Variants in MATR3 observed in about 807,000 individuals in gnomAD.
MATR3 encodes matrin-3.
MATR3 carries 4 observed loss-of-function variants against 85.5 expected under a neutral mutation model. The observed-to-expected ratio is 0.05, with a 90% confidence interval of 0.02 to 0.11. MATR3 has a LOEUF of 0.11. Among genes scored for constraint, MATR3 ranks in the 10% least tolerant of loss-of-function variants. MATR3 has a pLI of 1.00. For synonymous variants in MATR3, 336 were observed against 343.1 expected (o/e 0.98, Z 0.23); for missense variants, 685 against 1,016.1 (o/e 0.67, Z 4.43).
In MATR3 at chr5:139,322,029, G is replaced by A. The variant is rs760232121; in HGVS notation, c.1734G>A (p.Arg578=). The part of the protein sequence containing the change: ...LSEKYKKLVL[R]IPNRGIDLLK... Reference sequence around the variant, plus strand: ...AGAAATATAAAAAACTGGTTCTGAGGGTATGTAGTATTTGATTTGTCATCA... The same window carrying A: ...AGAAATATAAAAAACTGGTTCTGAGAGTATGTAGTATTTGATTTGTCATCA... The change falls in exon 10 of 15, where the codon AGG becomes AGA. Residue 578 remains arginine (R), a splice_region_variant and synonymous_variant. Transcript: ENST00000394805. The A allele has an allele frequency of 1.2e-6, 2 of 1,613,378 alleles. No individual in the cohort carries two copies. Among genetic ancestry groups the A allele is most frequent in the South Asian group, 1.1e-5 (1 of 91,038 alleles).
chr5:139,294,897 A>G lies in MATR3; in HGVS notation c.-178+1092A>G, dbSNP rs958675396. 2.0e-5 allele frequency: 3 copies of G among 152,070 alleles called. No individual in the cohort carries two copies. The East Asian group carries it at 5.8e-4, about 29-fold the overall frequency. 9.4% of individuals were successfully genotyped at this position (152,070 alleles called of 1,614,324 possible). ...GTGGAATATTCCTATTGGATCAGTT[A>G]CAGTTTTTTAGCCAGATATTTCTAG... On this transcript the variant is annotated intron_variant, in intron 1 of 14. Coordinates refer to ENST00000394805, the MANE Select transcript of MATR3 (RefSeq NM_018834.6).
At chr5:139,324,469 T>G (rs1316280227) in intron 12 of MATR3, among the ~76,000 whole-genome samples, 1 of 152,030 alleles carries the variant, frequency 6.6e-6, no homozygotes, top group Non-Finnish European at 1.5e-5. Context: ...TCTTGTATTT[T>G]TAGTAGAAAC....
At chr5:139,310,335 T>C (rs1754906051) in intron 2 of MATR3, 1 of 152,208 alleles carries the variant, frequency 6.6e-6, no homozygotes, top group Non-Finnish European at 1.5e-5. Context: ...TAGAGGCCTT[T>C]TGTTTAATTC....
At position 139,307,890 on chromosome 5, in the gene MATR3, G is replaced by A. The variant is rs1749872038; in HGVS notation, c.475G>A (p.Gly159Ser). The change falls in exon 2 of 15, where the codon GGT becomes AGT. Residue 159 changes from glycine to serine, a missense_variant. Physicochemically the swap from Gly to Ser is moderately conservative, Grantham distance 56 (BLOSUM62 0). Coordinates refer to ENST00000394805, the MANE Select transcript of MATR3 (RefSeq NM_018834.6). This position sits in a 1 kb window ranked among gnomAD's most constrained non-coding sequence, Gnocchi z 4.4. ...TGAAGAAGGCCCTACCTTGAGTTAT[G>A]GTAGAGATGGCAGATCTGCTACACG... Reference protein sequence around the residue: ...RTEEGPTLSYGRDGRSATREP... With the variant: ...RTEEGPTLSYSRDGRSATREP... The A allele has an allele frequency of 6.2e-7, 1 of 1,613,920 alleles. No homozygotes were observed. The highest frequency in any genetic ancestry group is 8.5e-7 in the Non-Finnish European group (1 of 1,180,018).
intron 9 of MATR3, among the ~76,000 whole-genome samples, chr5:139,321,651 G>T (rs184403829): frequency 6.6e-6 from 1 of 152,112 alleles, no homozygotes; most frequent in Non-Finnish European, 1.5e-5. Context: ...GGCATTGGTG[G>T]TGCATGCCTG....
intron 8 of MATR3, 43 bp from the exon 9 acceptor site, chr5:139,319,291 A>C: frequency 6.4e-7 from 1 of 1,568,450 alleles, no homozygotes; most frequent in Non-Finnish European, 8.8e-7. Context: ...GTTAACTAAT[A>C]ATTATTGCAC....
intron 3 of MATR3, chr5:139,279,147 C>G (rs1753416555): frequency 2.2e-6 from 1 of 453,928 alleles, no homozygotes; most frequent in Non-Finnish European, 4.4e-6. Flanking sequence ...GTCTTCTTGT[C>G]ATGTAGGTCC....
chr5:139,327,573 C>T (rs866895760), intron 14 of MATR3, among the ~76,000 whole-genome samples: 2 of 152,070 alleles, frequency 1.3e-5, no homozygotes, highest in African/African-American at 4.8e-5. Context: ...AGGCATGCGC[C>T]ACCATGCCCA....
chr5:139,283,554 C>T (rs1753607498), intron 3 of MATR3: 1 of 152,446 alleles, frequency 6.6e-6, no homozygotes, highest in African/African-American at 2.4e-5. Flanking sequence ...ATTTCCCAGA[C>T]ACTTGACCTC....
intron 7 of MATR3, among the ~76,000 whole-genome samples, chr5:139,318,703 C>T (rs1258333136): frequency 6.6e-6 from 1 of 152,236 alleles, no homozygotes; most frequent in Non-Finnish European, 1.5e-5. Context: ...CCTCGGCCTC[C>T]CGAAGTGTTG....
intron 2 of MATR3, chr5:139,310,480 A>T (rs756784372): frequency 7.9e-5 from 12 of 152,224 alleles, no homozygotes; most frequent in Non-Finnish European, 1.6e-4. Flanking sequence ...TACTCACTTT[A>T]GCAGTGGACC....
chr5:139,319,860 C>CTTTTTTTTT (rs58123057), intron 9 of MATR3, among the ~76,000 whole-genome samples: 4 of 44,154 alleles, frequency 9.1e-5, no homozygotes, highest in African/African-American at 2.3e-4. Flanking sequence ...AAAAAATTTG[C>CTTTTTTTTT]TTTTTTTTTT....
chr5:139,319,059 A>G (rs749915697), intron 8 of MATR3, 26 bp downstream of exon 8: 15 of 1,593,012 alleles, frequency 9.4e-6, no homozygotes, highest in African/African-American at 5.4e-5. Flanking sequence ...TTCAAGCTGT[A>G]TATCAGTTTA....
chr5:139,288,647 CT>C (rs763641524), intron 3 of MATR3, among the ~76,000 whole-genome samples: 32 of 147,298 alleles, frequency 2.2e-4, no homozygotes, highest in African/African-American at 2.5e-4. Flanking sequence ...AACATCATCT[CT>C]TTTTTTTTTT....
rs1009623443 is a variant in MATR3 at position 139,322,743 on chromosome 5, G to A, written c.1924G>A (p.Asp642Asn). ...AGATGGTGAGAAAGACACAAAGGAT[G>A]ACCAGACAGAGCAGGAACCTAATAT... ...GEDGEKDTKD[D>N]QTEQEPNMLL... is the part of the protein sequence containing the mutation. The change falls in exon 12 of 15, where the codon GAC (aspartate) becomes AAC (asparagine). Residue 642 changes from aspartate (D) to asparagine (N), a missense_variant. Physicochemically the swap from Asp to Asn is conservative, Grantham distance 23. This residue lies in a region of MATR3 where 215 missense variants were observed against 194.7 expected (regional missense o/e 1.10). Transcript: ENST00000394805. 1 of 1,614,140 alleles carries A rather than the reference G, an allele frequency of 6.2e-7. No homozygotes were observed. Among genetic ancestry groups the A allele is most frequent in the African/African-American group, 1.3e-5 (1 of 75,058 alleles).
chr5:139,318,550 C>CT (rs1755374388), intron 7 of MATR3, among the ~76,000 whole-genome samples: 1 of 152,204 alleles, frequency 6.6e-6, no homozygotes, highest in African/African-American at 2.4e-5. Flanking sequence ...AGCCATTCTC[C>CT]TGCCTCAGCC....
chr5:139,290,815 C>T (rs1417073579), upstream of MATR3, among the ~76,000 whole-genome samples: 1 of 152,046 alleles, frequency 6.6e-6, no homozygotes. Context: ...TGTCACTAAC[C>T]CACAATCTTT....
intron 2 of MATR3, chr5:139,311,750 C>CTTTTTTTTTTTTTTTTTTTTT (rs552172719): frequency 9.2e-5 from 6 of 65,236 alleles, no homozygotes; most frequent in African/African-American, 2.0e-4. Context: ...TTAATTAATC[C>CTTTTTTTTTTTTTTTTTTTTT]TTTTTTTTTT....
Position 139,325,617 on chromosome 5 carries a change from C to T in MATR3, c.2326C>T (p.Pro776Ser), listed in dbSNP as rs370051410. 14 of 1,613,992 alleles carry T rather than the reference C, an allele frequency of 8.7e-6. No individual in the cohort carries two copies. The highest frequency in any genetic ancestry group is 1.1e-5 in the Non-Finnish European group (13 of 1,180,018). The change falls in exon 13 of 15, where the codon CCA becomes TCA. Residue 776 changes from proline to serine, a missense_variant. Pro to Ser is a moderately conservative substitution (Grantham distance 74). Transcript: ENST00000394805. ...SDENKDDYTI[P>S]DEYRIGPYQP... ...TGAGAACAAGGACGACTATACAATCCCAGATGAGTATAGAATTGGACCATA... is the reference window on the plus strand; with the variant it reads ...TGAGAACAAGGACGACTATACAATCTCAGATGAGTATAGAATTGGACCATA...
Sources: allele counts gnomAD v4.1 joint callset (sites outside exome capture counted in the v4.1 genomes callset), GRCh38; gene constraint gnomAD v4.1.1; regional missense constraint gnomAD v4.1.1; non-coding constraint Gnocchi (gnomAD v3.1); transcripts MANE v1.5; gene names NCBI Gene and HGNC (gene_info 2026-07-23, HGNC 2026-07-21).